SND1: variants seen among roughly 807,000 people sequenced by gnomAD.
SND1 encodes staphylococcal nuclease and tudor domain containing 1.
SND1 carries 38 observed loss-of-function variants against 121.7 expected under a neutral mutation model. The observed-to-expected ratio is 0.31, with a 90% confidence interval of 0.24 to 0.41. SND1 has a LOEUF of 0.41. Among genes scored for constraint, SND1 ranks in the 10% least tolerant of loss-of-function variants. SND1 has a pLI of 1.00. For synonymous variants in SND1, 401 were observed against 447.4 expected (o/e 0.90, Z 1.31); for missense variants, 868 against 1,184.6 (o/e 0.73, Z 3.92).
intron 10 of SND1, among the ~76,000 whole-genome samples, chr7:127,738,096 A>T (rs1263664433): frequency 6.6e-6 from 1 of 152,154 alleles, no homozygotes. Flanking sequence ...ACACTCTCAG[A>T]TCCTCTAGAG....
chr7:127,995,042 A>C (rs927302152), intron 16 of SND1, among the ~76,000 whole-genome samples: 5 of 152,098 alleles, frequency 3.3e-5, no homozygotes, highest in Non-Finnish European at 7.4e-5. Context: ...TAATTCTTTC[A>C]TGTATTGTCT....
At chr7:127,929,007 G>A (rs1231804212) in intron 14 of SND1, among the ~76,000 whole-genome samples, 181 bp from the exon 15 acceptor site, 1 of 152,136 alleles carries the variant, frequency 6.6e-6, no homozygotes, top group Non-Finnish European at 1.5e-5. Context: ...GGAAACTGTC[G>A]ATTAACTATA....
intron 9 of SND1, among the ~76,000 whole-genome samples, chr7:127,720,725 T>C (rs1796480019): frequency 6.6e-6 from 1 of 152,180 alleles, no homozygotes; most frequent in Non-Finnish European, 1.5e-5. Context: ...AGGTAATATC[T>C]CAGTAATTTC....
chr7:127,986,031 A>G (rs1441748445), intron 15 of SND1, among the ~76,000 whole-genome samples: 3 of 152,208 alleles, frequency 2.0e-5, no homozygotes, highest in Non-Finnish European at 4.4e-5. Context: ...GCTAAGGCCA[A>G]TTTGTCACAC....
intron 1 of SND1, among the ~76,000 whole-genome samples, chr7:127,655,338 C>G (rs1320932045): frequency 3.3e-5 from 5 of 152,162 alleles, no homozygotes; most frequent in African/African-American, 1.2e-4. Context: ...TTGTAAAACA[C>G]TTTGACCAAT....
At chr7:127,711,497 T>G (rs564098894) in intron 9 of SND1, among the ~76,000 whole-genome samples, 1 of 152,278 alleles carries the variant, frequency 6.6e-6, no homozygotes, top group East Asian at 1.9e-4. Context: ...TGATTTCTTA[T>G]CCTTATATAT....
chr7:127,923,902 T>C (rs908607434), intron 14 of SND1, among the ~76,000 whole-genome samples: 2 of 152,136 alleles, frequency 1.3e-5, no homozygotes, highest in African/African-American at 4.8e-5. Context: ...TTTTTTCCTG[T>C]GTCTGTCCTC....
At chr7:127,700,244 C>T (rs1163277229) in intron 4 of SND1, among the ~76,000 whole-genome samples, 2 of 152,114 alleles carry the variant, frequency 1.3e-5, no homozygotes, top group South Asian at 2.1e-4. Flanking sequence ...GTCACTTTTT[C>T]CCAGTTTTGT....
intron 15 of SND1, among the ~76,000 whole-genome samples, chr7:127,946,564 C>T (rs184698497): frequency 1.2e-3 from 184 of 152,246 alleles, no homozygotes; most frequent in Non-Finnish European, 2.0e-3. Flanking sequence ...AAACTGACTA[C>T]CTTGAAGAGC....
chr7:127,847,729 A>G (rs1269716553), intron 12 of SND1, among the ~76,000 whole-genome samples: 1 of 152,260 alleles, frequency 6.6e-6, no homozygotes, highest in Non-Finnish European at 1.5e-5. Flanking sequence ...GTTATTGAGC[A>G]ACGGGCTCAC....
intron 15 of SND1, among the ~76,000 whole-genome samples, chr7:127,931,036 C>T (rs1800947601): frequency 6.6e-6 from 1 of 151,996 alleles, no homozygotes; most frequent in Non-Finnish European, 1.5e-5. Context: ...TGTTTCGGGT[C>T]GCCATGAACC....
chr7:128,002,929 G>A (rs56051334), intron 16 of SND1, among the ~76,000 whole-genome samples: 1 of 152,308 alleles, frequency 6.6e-6, no homozygotes, highest in East Asian at 1.9e-4. Context: ...GAAAGAACTA[G>A]GTGGTAACAC....
At chr7:127,677,434 G>T (rs150596186) in intron 1 of SND1, among the ~76,000 whole-genome samples, 1 of 152,140 alleles carries the variant, frequency 6.6e-6, no homozygotes, top group Non-Finnish European at 1.5e-5. Flanking sequence ...TTATAAAAAC[G>T]AGCAGTTTGT....
At position 127,844,331 on chromosome 7, in the gene SND1, T is replaced by G; in HGVS notation, c.1250T>G (p.Val417Gly). The G allele has an allele frequency of 6.2e-7, 1 of 1,612,912 alleles. No homozygotes were observed. The highest frequency in any genetic ancestry group is 8.5e-7 in the Non-Finnish European group (1 of 1,179,400). ...RKKLIGKKVN[V>G]TVDYIRPASP... ...TTGATTCTTTGTTTCCAGGTCAATG[T>G]GACGGTGGACTACATTAGACCAGCC... is the stretch of plus-strand genomic sequence containing the variant. The change falls in exon 12 of 24, where the codon GTG (valine) becomes GGG (glycine). Residue 417 changes from valine to glycine, a missense_variant. Around this residue, in one of 2 missense-constraint regions of SND1, gnomAD observed 743 missense variants for 1,071.3 expected, o/e 0.69. Transcript: ENST00000354725.
rs974142943 is a variant in SND1 at position 128,052,716 on chromosome 7, G to A, written c.1780-21786G>A. On this transcript the variant is annotated intron_variant, in intron 16 of 23. Coordinates refer to ENST00000354725, the MANE Select transcript of SND1 (RefSeq NM_014390.4). The surrounding 1 kb of genome is among the most constrained non-coding windows in gnomAD (Gnocchi z 4.6). ...GATGAAATCCATCTCCTTGTCCAAA[G>A]CCTGGCCCGATGGGCTGTGTCTGGA... Among the ~76,000 whole-genome samples the A allele has an allele frequency of 5.3e-5, 8 of 152,246 alleles. No individual in the cohort carries two copies. Among genetic ancestry groups the A allele is most frequent in the African/African-American group, 1.9e-4 (8 of 41,474 alleles).
chr7:127,752,282 G>A (rs1177143744), intron 10 of SND1, among the ~76,000 whole-genome samples: 2 of 152,040 alleles, frequency 1.3e-5, no homozygotes, highest in African/African-American at 4.8e-5. Flanking sequence ...TTTGGAGGGG[G>A]TGGGTGTGTT....
chr7:127,824,040 G>T (rs1438834910), intron 11 of SND1, among the ~76,000 whole-genome samples: 2 of 152,168 alleles, frequency 1.3e-5, no homozygotes, highest in African/African-American at 4.8e-5. Context: ...ACAACAAAAT[G>T]AAGCAGAAAT....
chr7:127,720,240 C>T (rs908410629), intron 9 of SND1, among the ~76,000 whole-genome samples: 7 of 152,132 alleles, frequency 4.6e-5, no homozygotes, highest in Admixed American at 1.3e-4. Flanking sequence ...TTTGCCAGTC[C>T]GCCCTTGCTG....
At chr7:127,746,690 TC>T (rs556251556) in intron 10 of SND1, among the ~76,000 whole-genome samples, 131 of 152,310 alleles carry the variant, frequency 8.6e-4, no homozygotes, top group African/African-American at 3.1e-3. Flanking sequence ...AATTCCTTCT[TC>T]CTATGAACAT....
Sources: gnomAD v4.1 joint callset for allele counts (sites outside exome capture counted in the v4.1 genomes callset) on GRCh38, gnomAD v4.1.1 for gene constraint, gnomAD v4.1.1 regional missense constraint, Gnocchi (gnomAD v3.1) non-coding constraint, MANE v1.5 for transcripts, NCBI Gene and HGNC (gene_info 2026-07-23, HGNC 2026-07-21) for gene names.